Variants in OXR1 observed in about 807,000 individuals in gnomAD.
The protein encoded by OXR1 is oxidation resistance 1.
In OXR1, 41 loss-of-function variants were observed where a neutral mutation model predicts 104.6. The ratio of observed to expected loss-of-function variants is 0.39; its 90% CI spans 0.31 to 0.51. OXR1 has a LOEUF of 0.51. Ranked by LOEUF, OXR1 falls within the 20% of genes least tolerant of loss-of-function variation. OXR1 has a pLI of 0.77. For synonymous variants in OXR1, 348 were observed against 348.4 expected (o/e 1.00, Z 0.01); for missense variants, 955 against 1,031.9 (o/e 0.93, Z 1.02).
At chr8:106,620,292 C>G (rs1821592675) in intron 3 of OXR1, among the ~76,000 whole-genome samples, 1 of 151,922 alleles carries the variant, frequency 6.6e-6, no homozygotes. Context: ...TGTGATCAAG[C>G]TGTATTGTGA....
intron 2 of OXR1, among the ~76,000 whole-genome samples, chr8:106,405,164 A>AG (rs1242038570): frequency 0.15 from 9,142 of 59,264 alleles, 894 homozygotes; most frequent in East Asian, 0.26. Context: ...ATATATATAT[A>AG]TATATATATA....
intron 1 of OXR1, among the ~76,000 whole-genome samples, chr8:106,311,546 C>G (rs1025877250): frequency 6.6e-6 from 1 of 152,096 alleles, no homozygotes; most frequent in Non-Finnish European, 1.5e-5. Flanking sequence ...ATTCTGAACT[C>G]GTTCCTACTA....
At chr8:106,662,986 T>G (rs1825920491) in intron 3 of OXR1, among the ~76,000 whole-genome samples, 1 of 152,158 alleles carries the variant, frequency 6.6e-6, no homozygotes, top group Non-Finnish European at 1.5e-5. Context: ...GAAATGCTCT[T>G]TGGAGCATTT....
intron 1 of OXR1, among the ~76,000 whole-genome samples, chr8:106,312,641 G>A (rs1372015815): frequency 6.6e-6 from 1 of 152,198 alleles, no homozygotes; most frequent in Non-Finnish European, 1.5e-5. Context: ...ATCCAAGCTT[G>A]AATGACTCAG....
intron 2 of OXR1, among the ~76,000 whole-genome samples, chr8:106,437,092 T>C (rs1819610666): frequency 6.6e-6 from 1 of 152,142 alleles, no homozygotes; most frequent in African/African-American, 2.4e-5. Flanking sequence ...CAAAATACTT[T>C]CTCTTACCCT....
intron 2 of OXR1, among the ~76,000 whole-genome samples, chr8:106,400,575 A>G (rs1448283370): frequency 2.0e-5 from 3 of 152,174 alleles, no homozygotes; most frequent in Non-Finnish European, 2.9e-5. Flanking sequence ...TTATTTTTTA[A>G]TTAACATAAA....
At chr8:106,361,119 C>T (rs1165634813) in intron 2 of OXR1, among the ~76,000 whole-genome samples, 1 of 152,182 alleles carries the variant, frequency 6.6e-6, no homozygotes, top group African/African-American at 2.4e-5. Flanking sequence ...GACTGCATGT[C>T]ATGGTTCCAG....
chr8:106,473,959 G>T (rs2129671787), intron 2 of OXR1, among the ~76,000 whole-genome samples: 1 of 143,502 alleles, frequency 7.0e-6, no homozygotes, highest in African/African-American at 2.5e-5. Flanking sequence ...ATGCTATCAT[G>T]AATCTAGTTA....
At chr8:106,402,735 G>A (rs942737014) in intron 2 of OXR1, among the ~76,000 whole-genome samples, 1 of 152,198 alleles carries the variant, frequency 6.6e-6, no homozygotes. Context: ...ATTACAGCAT[G>A]AATTTTTGAG....
chr8:106,345,287 A>T (rs906424324), intron 1 of OXR1, among the ~76,000 whole-genome samples: 3 of 152,068 alleles, frequency 2.0e-5, no homozygotes, highest in East Asian at 3.9e-4. Flanking sequence ...TATAACAAGG[A>T]CTCCTAATTG....
At chr8:106,375,331 A>G (rs892414910) in intron 2 of OXR1, among the ~76,000 whole-genome samples, 1 of 152,214 alleles carries the variant, frequency 6.6e-6, no homozygotes, top group Non-Finnish European at 1.5e-5. Flanking sequence ...ACTTTTAATG[A>G]CAAATAGTTT....
intron 2 of OXR1, among the ~76,000 whole-genome samples, chr8:106,378,322 T>A (rs1191366437): frequency 2.0e-5 from 3 of 152,172 alleles, no homozygotes; most frequent in Admixed American, 2.0e-4. Flanking sequence ...CTCTTACTGC[T>A]GCATCACTGG....
chr8:106,630,414 G>C (rs1331386661), intron 3 of OXR1, among the ~76,000 whole-genome samples: 1 of 152,210 alleles, frequency 6.6e-6, no homozygotes. Flanking sequence ...GGTCATGCGT[G>C]TCTAAGACAC....
chr8:106,369,980 A>T (rs559328285), intron 2 of OXR1, among the ~76,000 whole-genome samples: 1 of 152,324 alleles, frequency 6.6e-6, no homozygotes, highest in East Asian at 1.9e-4. Flanking sequence ...TCTCTAAATT[A>T]CTTCGGGCTG....
intron 1 of OXR1, among the ~76,000 whole-genome samples, chr8:106,356,256 C>A (rs1430913268): frequency 6.6e-6 from 1 of 152,124 alleles, no homozygotes; most frequent in Non-Finnish European, 1.5e-5. Context: ...ATGAAACTGA[C>A]AGGTGGTTGA....
intron 3 of OXR1, among the ~76,000 whole-genome samples, chr8:106,644,522 A>C (rs1212900923): frequency 6.6e-6 from 1 of 152,168 alleles, no homozygotes. Context: ...TATTGGGAGC[A>C]GGGGCTCTGA....
At chr8:106,657,931 A>G in intron 3 of OXR1, 1 of 1,247,224 alleles carries the variant, frequency 8.0e-7, no homozygotes. Context: ...GGTGGCCGCC[A>G]CCGCCGAAAC....
intron 1 of OXR1, among the ~76,000 whole-genome samples, chr8:106,294,412 A>AAAAAGG (rs71307051): frequency 1.5e-5 from 2 of 131,410 alleles, no homozygotes; most frequent in African/African-American, 2.9e-5. Flanking sequence ...AAAAAAAAAA[A>AAAAAGG]AAAGAAAGAA....
chr8:106,294,141 G>A (rs1036422005), intron 1 of OXR1, among the ~76,000 whole-genome samples: 12 of 151,830 alleles, frequency 7.9e-5, no homozygotes, highest in East Asian at 3.9e-4. Flanking sequence ...CTGTAGTCCC[G>A]TCTGTATTCC....
Sources: allele counts gnomAD v4.1 joint callset (sites outside exome capture counted in the v4.1 genomes callset), GRCh38; gene constraint gnomAD v4.1.1; transcripts MANE v1.5; gene names NCBI Gene and HGNC (gene_info 2026-07-23, HGNC 2026-07-21).